The following DDX4 variants were observed in gnomAD, a reference collection of about 807,000 sequenced individuals.
The protein encoded by DDX4 is DEAD-box helicase 4.
In DDX4, 25 loss-of-function variants were observed where a neutral mutation model predicts 100.0. The ratio of observed to expected loss-of-function variants is 0.25; its 90% confidence interval spans 0.18 to 0.35. The LOEUF (loss-of-function observed/expected upper bound fraction) is 0.35. DDX4 is among the 10% of genes least tolerant of loss of function. The probability of loss-of-function intolerance (pLI) is 1.00; values close to 1 mark genes in which losing one functional copy is unlikely to be tolerated. For missense variants in DDX4, 635 were observed against 882.4 expected, an observed-to-expected ratio of 0.72 and a Z score of 3.55; for synonymous variants, 259 against 275.7, an observed-to-expected ratio of 0.94 and a Z score of 0.60.
chr5:55,772,967 T>A (rs1741344270), intron 7 of DDX4: 1 of 152,256 alleles, frequency 6.6e-6, no homozygotes, highest in Non-Finnish European at 1.5e-5. Flanking sequence ...TCCTGTGTGA[T>A]TTTTAGAATG....
intron 2 of DDX4, among the ~76,000 whole-genome samples, chr5:55,742,739 A>G (rs1352548341): frequency 1.3e-5 from 2 of 152,242 alleles, no homozygotes; most frequent in African/African-American, 4.8e-5. Flanking sequence ...TTTGAGTTCT[A>G]GTAGGTGCTG....
At chr5:55,800,378 C>T (rs560541477) in intron 18 of DDX4, among the ~76,000 whole-genome samples, 6 of 148,060 alleles carry the variant, frequency 4.1e-5, no homozygotes, top group Non-Finnish European at 7.4e-5. Context: ...GGCTGGAGTA[C>T]AGTGGCACAA....
intron 18 of DDX4, among the ~76,000 whole-genome samples, chr5:55,810,135 G>A (rs1276780276): frequency 4.0e-5 from 6 of 151,580 alleles, no homozygotes; most frequent in Admixed American, 1.3e-4. Context: ...ACGGAGTTTC[G>A]CTCTTGTCGC....
intron 3 of DDX4, among the ~76,000 whole-genome samples, chr5:55,755,883 G>A (rs1458490213): frequency 1.3e-5 from 2 of 152,132 alleles, no homozygotes; most frequent in Admixed American, 6.6e-5. Context: ...CACCCTTGAA[G>A]CCTTCCTTTT....
intron 6 of DDX4, among the ~76,000 whole-genome samples, chr5:55,765,411 A>ATATAT (rs1285869924): frequency 1.1e-3 from 115 of 100,176 alleles, no homozygotes; most frequent in East Asian, 9.0e-3. Context: ...AAAAAAAAAA[A>ATATAT]AAATATATAT....
At chr5:55,769,476 C>T (rs1230644159) in intron 7 of DDX4, among the ~76,000 whole-genome samples, 7 of 151,988 alleles carry the variant, frequency 4.6e-5, no homozygotes, top group African/African-American at 1.7e-4. Flanking sequence ...ACCTAGAAAA[C>T]CCTATAATCT....
At chr5:55,767,676 G>C (rs1367650277) in intron 6 of DDX4, among the ~76,000 whole-genome samples, 2 of 152,098 alleles carry the variant, frequency 1.3e-5, no homozygotes, top group Admixed American at 1.3e-4. Context: ...TTAATATTTA[G>C]ATACATGAGA....
intron 3 of DDX4, among the ~76,000 whole-genome samples, chr5:55,752,593 T>A (rs1016130764): frequency 6.1e-5 from 9 of 146,464 alleles, no homozygotes; most frequent in Non-Finnish European, 1.2e-4. Flanking sequence ...TTGTTGGACA[T>A]TTGGGTTGGT....
chr5:55,762,972 G>A (rs1740657327), intron 4 of DDX4, among the ~76,000 whole-genome samples: 2 of 152,066 alleles, frequency 1.3e-5, no homozygotes, highest in South Asian at 2.1e-4. Context: ...TTCACCGGTA[G>A]TAGATTTGTT....
chr5:55,778,846 A>G (rs1369742148), intron 7 of DDX4, among the ~76,000 whole-genome samples: 2 of 151,818 alleles, frequency 1.3e-5, no homozygotes, highest in African/African-American at 2.4e-5. Context: ...GTGAGCCGAG[A>G]TGATGCCACT....
Position 55,787,964 on chromosome 5 carries a change from A to G in DDX4, c.1136A>G (p.Asn379Ser), listed in dbSNP as rs766670168. The G allele has an allele frequency of 6.2e-6, 10 of 1,613,494 alleles. No individual in the cohort carries two copies. In the African/African-American group the frequency reaches 1.2e-4, roughly 19 times the overall value. Residue 379 changes from asparagine to serine, a missense_variant, in exon 15 of 22, where the codon AAC (asparagine) becomes AGC (serine). Asn to Ser is a conservative substitution (Grantham distance 46). Coordinates refer to ENST00000505374, the MANE Select transcript of DDX4 (RefSeq NM_024415.3). ...GTAGCACCAACTCGAGAATTGGTCA[A>G]CCAGATTTATTTGGAAGCCAGAAAA... ...IIVAPTRELV[N>S]QIYLEARKFS...
intron 18 of DDX4, among the ~76,000 whole-genome samples, chr5:55,810,738 C>T (rs936999957): frequency 6.6e-6 from 1 of 152,058 alleles, no homozygotes; most frequent in Admixed American, 6.6e-5. Context: ...TTTCCTGGGG[C>T]TCTCTCTGAG....
At chr5:55,791,811 A>G (rs897164031) in intron 16 of DDX4, among the ~76,000 whole-genome samples, 2 of 152,154 alleles carry the variant, frequency 1.3e-5, no homozygotes, top group Non-Finnish European at 2.9e-5. Context: ...AATGACTAAC[A>G]CGTTAAACAA....
At chr5:55,792,123 CAA>C (rs35635463) in intron 16 of DDX4, among the ~76,000 whole-genome samples, 7,135 of 50,896 alleles carry the variant, frequency 0.14, 58 homozygotes, top group Middle Eastern at 0.21. Context: ...GACTCCTTCT[CAA>C]AAAAAAAAAA....
intron 6 of DDX4, chr5:55,766,886 T>G: frequency 6.6e-7 from 1 of 1,517,360 alleles, no homozygotes; most frequent in Non-Finnish European, 8.8e-7. Context: ...ATAGAACTTT[T>G]ACATTTCGAA....
At chr5:55,762,277 T>C (rs543847746) in intron 4 of DDX4, among the ~76,000 whole-genome samples, 4 of 152,324 alleles carry the variant, frequency 2.6e-5, no homozygotes, top group South Asian at 4.1e-4. Flanking sequence ...CCTGTTCTTT[T>C]TTTAATGTTT....
rs1028834732 is a variant in DDX4 at position 55,780,005 on chromosome 5, A to G, written c.436A>G (p.Arg146Gly). The change falls in exon 8 of 22, where the codon AGA becomes GGA. Residue 146 changes from arginine to glycine, a missense_variant. Coordinates refer to ENST00000505374, the MANE Select transcript of DDX4 (RefSeq NM_024415.3). ...TAATTCAGAAGCTTCAGGGCCATAC[A>G]GAAGAGGTGGAAGAGGTAGTTTCCG... ...GNNSEASGPYRRGGRGSFRGC... is the reference protein window; with the variant it reads ...GNNSEASGPYGRGGRGSFRGC... The G allele has an allele frequency of 1.2e-6, 2 of 1,614,074 alleles. No individual in the cohort carries two copies. The highest frequency in any genetic ancestry group is 1.7e-6 in the Non-Finnish European group (2 of 1,179,960).
intron 7 of DDX4, chr5:55,773,086 T>G (rs1741350482): frequency 6.6e-6 from 1 of 152,468 alleles, no homozygotes; most frequent in Admixed American, 6.5e-5. Flanking sequence ...CTCACAGTTC[T>G]GGAGAGTCAG....
At chr5:55,780,975 T>C in intron 8 of DDX4, 91 bp from the exon 9 acceptor site, 3 of 1,133,036 alleles carry the variant, frequency 2.6e-6, no homozygotes, top group Non-Finnish European at 2.5e-6. Flanking sequence ...TTTTAACTTC[T>C]GATACCATAA....
Sources: allele counts gnomAD v4.1 joint callset (sites outside exome capture counted in the v4.1 genomes callset), GRCh38; gene constraint gnomAD v4.1.1; transcripts MANE v1.5; gene names NCBI Gene and HGNC (gene_info 2026-07-23, HGNC 2026-07-21).